ARNT2: variants seen among roughly 807,000 people sequenced by gnomAD.
The protein encoded by ARNT2 is ARNT protein 2.
Under a neutral mutation model 91.7 loss-of-function variants are expected in ARNT2, and 36 were observed. The observed-to-expected ratio is 0.39, with a 90% CI of 0.30 to 0.52. ARNT2 has a LOEUF of 0.52. ARNT2 is among the 20% of genes least tolerant of loss of function. The probability of loss-of-function intolerance (pLI) is 0.72; values close to 1 mark genes in which losing one functional copy is unlikely to be tolerated. For missense variants in ARNT2, 775 were observed against 939.3 expected, an observed-to-expected ratio of 0.83 and a Z score of 2.29; for synonymous variants, 365 against 347.1, an observed-to-expected ratio of 1.05 and a Z score of -0.57.
chr15:80,552,596 G>A lies in ARNT2; in HGVS notation c.955-44G>A, dbSNP rs759617643. The A allele has an allele frequency of 1.9e-5, 31 of 1,599,094 alleles. No individual in the cohort carries two copies. In the Admixed American group the frequency reaches 2.0e-4, roughly 11 times the overall value. ...TCATCTCTGTCACCATCTCCATCTC[G>A]TCTCTGTCAACACCACCTCAACTGT... On this transcript the variant is annotated intron_variant, in intron 9 of 18. Coordinates refer to ENST00000303329, the MANE Select transcript of ARNT2 (RefSeq NM_014862.4).
At chr15:80,539,205 A>G (rs1211622581) in intron 8 of ARNT2, among the ~76,000 whole-genome samples, 1 of 152,156 alleles carries the variant, frequency 6.6e-6, no homozygotes, top group East Asian at 1.9e-4. Context: ...CTTTGAAACA[A>G]AAACCTACAA....
chr15:80,579,040 T>TA (rs1898740078), intron 15 of ARNT2, among the ~76,000 whole-genome samples: 1 of 152,192 alleles, frequency 6.6e-6, no homozygotes, highest in Non-Finnish European at 1.5e-5. Flanking sequence ...CTGTCCACAC[T>TA]AAGGCAGGCA....
At chr15:80,540,850 G>C (rs1897893684) in intron 8 of ARNT2, among the ~76,000 whole-genome samples, 1 of 152,086 alleles carries the variant, frequency 6.6e-6, no homozygotes, top group South Asian at 2.1e-4. Context: ...TGGCCATGTA[G>C]TATTCCACGG....
At chr15:80,417,761 A>G (rs549756776) in intron 1 of ARNT2, among the ~76,000 whole-genome samples, 1 of 152,224 alleles carries the variant, frequency 6.6e-6, no homozygotes, top group South Asian at 2.1e-4. Context: ...GAGACAGTAT[A>G]GACATTGAAT....
chr15:80,431,194 C>G (rs999336557), intron 1 of ARNT2, among the ~76,000 whole-genome samples: 3 of 152,180 alleles, frequency 2.0e-5, no homozygotes, highest in African/African-American at 7.2e-5. Flanking sequence ...TTCGGGAGGC[C>G]ACAGCCTTGG....
intron 1 of ARNT2, 44 bp from the exon 2 acceptor site, chr15:80,450,836 C>A (rs765859540): frequency 1.8e-5 from 29 of 1,598,482 alleles, no homozygotes; most frequent in Non-Finnish European, 2.4e-5. Context: ...CGTTACTGGG[C>A]TTTTCTGGCA....
rs56146872 is a variant in ARNT2 at position 80,516,828 on chromosome 15, A to AATATATATATATATATATATATATAT, written c.877+2426_877+2451dup. On this transcript the variant is annotated intron_variant, in intron 8 of 18. Transcript: ENST00000303329. ...TTTACAATTATTATATACAATTACA[A>AATATATATATATATATATATATATAT]ATATATATATATATATATATATATA... Among the ~76,000 whole-genome samples the AATATATATATATATATATATATATAT allele has an allele frequency of 1.6e-3, 119 of 74,772 alleles. 11 individuals are homozygous for AATATATATATATATATATATATATAT. The highest frequency in any genetic ancestry group is 2.1e-3 in the Non-Finnish European group (78 of 37,640). The allele number at this position is 74,772 out of a possible 152,430, so 49.1% of individuals were successfully genotyped here.
At chr15:80,581,002 C>T (rs868430217) in intron 16 of ARNT2, 8 of 566,252 alleles carry the variant, frequency 1.4e-5, no homozygotes, top group Non-Finnish European at 2.5e-5. Flanking sequence ...CCAGAGGGCC[C>T]GGATCCTCGT....
At chr15:80,478,293 G>A (rs939268125) in intron 5 of ARNT2, among the ~76,000 whole-genome samples, 5 of 152,346 alleles carry the variant, frequency 3.3e-5, no homozygotes, top group Non-Finnish European at 5.9e-5. Context: ...CCAGGGAAGC[G>A]ATGGTCAAGG....
intron 6 of ARNT2, among the ~76,000 whole-genome samples, chr15:80,511,521 T>TAA (rs77373981): frequency 7.0e-6 from 1 of 142,942 alleles, no homozygotes; most frequent in Admixed American, 7.0e-5. Flanking sequence ...ACTTAAAAAC[T>TAA]AAAAAAAAAA....
At chr15:80,472,108 G>A (rs902339204) in intron 4 of ARNT2, among the ~76,000 whole-genome samples, 1 of 120 alleles carries the variant, frequency 8.3e-3, no homozygotes, top group Non-Finnish European at 0.016. Flanking sequence ...ATAGCCGGTG[G>A]GGGGGCATTG....
At chr15:80,440,644 T>C (rs1201713166) in intron 1 of ARNT2, among the ~76,000 whole-genome samples, 1 of 152,056 alleles carries the variant, frequency 6.6e-6, no homozygotes, top group African/African-American at 2.4e-5. Context: ...TTGGGACTGG[T>C]TTCAATTCCC....
rs141882243 is a variant in ARNT2 at position 80,589,771 on chromosome 15, C to T, written c.1919-1797C>T. On this transcript the variant is annotated intron_variant, in intron 17 of 18. Coordinates refer to ENST00000303329, the MANE Select transcript of ARNT2 (RefSeq NM_014862.4). ...AGCCAATTAATGAGGCCAGTCGACA[C>T]GATTCTATGAAAGAGTTCCTCCTGG... is the stretch of plus-strand genomic sequence containing the variant. Among the ~76,000 whole-genome samples the T allele has an allele frequency of 5.7e-3, 865 of 152,324 alleles. 13 individuals are homozygous for T. The highest frequency in any genetic ancestry group is 0.02 in the African/African-American group (837 of 41,570).
At chr15:80,524,434 C>T (rs1042873427) in intron 8 of ARNT2, among the ~76,000 whole-genome samples, 1 of 152,106 alleles carries the variant, frequency 6.6e-6, no homozygotes, top group Non-Finnish European at 1.5e-5. Context: ...GAGATGTGTG[C>T]ATGTGTGTTG....
Position 80,597,189 on chromosome 15 carries a change from T to A in ARNT2, c.*3491T>A, listed in dbSNP as rs1385589170. The A allele has an allele frequency of 3.9e-6, 2 of 518,194 alleles. No individual in the cohort carries two copies. The highest frequency in any genetic ancestry group is 3.9e-5 in the Admixed American group (2 of 51,478). The allele number at this position is 518,194 out of a possible 1,614,324, so 32.1% of individuals were successfully genotyped here. ...TAGCTTTAGCCGAGAAAGAAACCAG[T>A]CCCAGGGAATGAATGGTGGTCTCCC... On this transcript the variant is annotated 3_prime_UTR_variant, in exon 19 of 19. Coordinates refer to ENST00000303329, the MANE Select transcript of ARNT2 (RefSeq NM_014862.4).
chr15:80,478,705 G>C lies in ARNT2; in HGVS notation c.622+3482G>C, dbSNP rs145577577. 2.7e-3 allele frequency among the ~76,000 whole-genome samples: 409 copies of C among 152,310 alleles called. 1 individual carries two copies. Among genetic ancestry groups the C allele is most frequent in the African/African-American group, 8.6e-3 (357 of 41,580 alleles). ...GCAACAAGCTCTTATTGATTCCGTGGGGGAGAGCTTGGAAGAGCTCTCTGA... is the reference window on the plus strand; with the variant it reads ...GCAACAAGCTCTTATTGATTCCGTGCGGGAGAGCTTGGAAGAGCTCTCTGA... On this transcript the variant is annotated intron_variant, in intron 5 of 18. Transcript: ENST00000303329.
chr15:80,432,595 G>A (rs1177072208), intron 1 of ARNT2, among the ~76,000 whole-genome samples: 1 of 152,062 alleles, frequency 6.6e-6, no homozygotes, highest in African/African-American at 2.4e-5. Context: ...GGCCTTCAAA[G>A]CCTGAAATAT....
chr15:80,504,835 G>A (rs59555373), intron 5 of ARNT2, among the ~76,000 whole-genome samples: 2,640 of 152,156 alleles, frequency 0.017, 81 homozygotes, highest in African/African-American at 0.06. Context: ...AAGTGGCTGG[G>A]AAGGGCCAGG....
intron 1 of ARNT2, 22 bp from the exon 2 acceptor site, chr15:80,450,858 T>A (rs528083102): frequency 6.2e-7 from 1 of 1,612,536 alleles, no homozygotes; most frequent in South Asian, 1.1e-5. Flanking sequence ...TGACAAAACC[T>A]CTTGTCTTTG....
Sources: allele counts gnomAD v4.1 joint callset (sites outside exome capture counted in the v4.1 genomes callset), GRCh38; gene constraint gnomAD v4.1.1; transcripts MANE v1.5; gene names NCBI Gene and HGNC (gene_info 2026-07-23, HGNC 2026-07-21).